PKHD1L1: variants seen among roughly 807,000 people sequenced by gnomAD.
The protein encoded by PKHD1L1 is PKHD1 like 1, also known as fibrocystin-L.
PKHD1L1 carries 434 observed loss-of-function variants against 462.9 expected under a neutral mutation model. The ratio of observed to expected loss-of-function variants is 0.94; its 90% CI spans 0.87 to 1.02. The LOEUF (loss-of-function observed/expected upper bound fraction) is 1.02. Ranked by LOEUF, PKHD1L1 falls within the 50% of genes least tolerant of loss-of-function variation. The pLI is 0.00. For missense variants in PKHD1L1, 5,202 were observed against 5,096.1 expected, an observed-to-expected ratio of 1.02 and a Z score of -0.63; for synonymous variants, 1,781 against 1,750.0, an observed-to-expected ratio of 1.02 and a Z score of -0.44.
intron 25 of PKHD1L1, 111 bp from the exon 26 acceptor site, chr8:109,429,229 T>C (rs1001128491): frequency 1.0e-6 from 1 of 978,796 alleles, no homozygotes; most frequent in African/African-American, 1.7e-5. Context: ...AATTTTATTT[T>C]ACATTCTTTG....
Position 109,464,909 on chromosome 8 carries a change from G to T in PKHD1L1, c.8077G>T (p.Val2693Phe). 4 of 1,613,854 alleles carry T rather than the reference G, an allele frequency of 2.5e-6. No homozygotes were observed. The highest frequency in any genetic ancestry group is 3.4e-6 in the Non-Finnish European group (4 of 1,179,794). Residue 2693 changes from valine (V) to phenylalanine (F), a missense_variant, in exon 49 of 78, where the codon GTT (valine) becomes TTT (phenylalanine). Physicochemically the swap from Val to Phe is conservative, Grantham distance 50. Transcript: ENST00000378402. ...GACTAAGAGGATCCTGGCTCCTTAT[G>T]TTGGAGGGTGGGGTGAAACCAATGG... is the stretch of plus-strand genomic sequence containing the variant. ...IETKRILAPY[V>F]GGWGETNGAV...
At chr8:109,413,247 C>T (rs182716812) in intron 20 of PKHD1L1, among the ~76,000 whole-genome samples, 174 bp from the exon 21 acceptor site, 99 of 152,118 alleles carry the variant, frequency 6.5e-4, no homozygotes, top group Middle Eastern at 3.4e-3. Flanking sequence ...TAAAATCTTT[C>T]GCAATTCTTC....
chr8:109,388,388 T>C, intron 6 of PKHD1L1, 109 bp from the exon 7 acceptor site: 4 of 751,276 alleles, frequency 5.3e-6, no homozygotes, highest in Middle Eastern at 2.6e-4. Context: ...TAATAATAAG[T>C]GATTGAGAAA....
At chr8:109,369,131 A>G (rs1297775683) in intron 2 of PKHD1L1, among the ~76,000 whole-genome samples, 1 of 152,008 alleles carries the variant, frequency 6.6e-6, no homozygotes, top group African/African-American at 2.4e-5. Context: ...GGCACCTGCC[A>G]CTACCCCCGG....
At chr8:109,408,977 T>C (rs1188514350) in intron 18 of PKHD1L1, among the ~76,000 whole-genome samples, 5 of 152,274 alleles carry the variant, frequency 3.3e-5, no homozygotes, top group East Asian at 1.9e-4. Context: ...TGTATCTCCA[T>C]AGGGGGCAGC....
intron 76 of PKHD1L1, among the ~76,000 whole-genome samples, chr8:109,523,624 A>T (rs190890010): frequency 7.2e-5 from 11 of 152,320 alleles, no homozygotes; most frequent in African/African-American, 2.4e-4. Flanking sequence ...TGATTTATCC[A>T]TTTGTATACT....
intron 38 of PKHD1L1, 81 bp from the exon 39 acceptor site, chr8:109,448,062 A>T (rs1434364911): frequency 1.6e-6 from 2 of 1,240,522 alleles, no homozygotes; most frequent in African/African-American, 3.1e-5. Context: ...TTTTATTTGT[A>T]AAAGTAAAGA....
Position 109,425,094 on chromosome 8 carries a change from CAT to C in PKHD1L1, c.2708_2709del (p.His903ArgfsTer12). ...TTATTTTGGAAATTAGATAATCACA[CAT>C]GAGACAGAGAACGAGTTTGTCTACA... ...MAVSFGQIIT[H>X]ETENEFVYRG... On this transcript the variant is annotated frameshift_variant, in exon 24 of 78. Transcript: ENST00000378402. LOFTEE classifies it high-confidence loss of function. The C allele has an allele frequency of 1.3e-6, 2 of 1,582,158 alleles. No homozygotes were observed. The highest frequency in any genetic ancestry group is 1.9e-5 in the Admixed American group (1 of 52,962).
chr8:109,467,939 G>A (rs1459252403), intron 50 of PKHD1L1, among the ~76,000 whole-genome samples: 1 of 152,044 alleles, frequency 6.6e-6, no homozygotes, highest in Non-Finnish European at 1.5e-5. Context: ...CAGAATCCAA[G>A]TGCACTTATT....
chr8:109,464,189 AAT>A, intron 48 of PKHD1L1, 25 bp from the exon 49 acceptor site: 1 of 1,507,338 alleles, frequency 6.6e-7, no homozygotes, highest in Non-Finnish European at 8.9e-7. Context: ...GCTATTACTA[AAT>A]AACTGTGATT....
At chr8:109,444,566 T>C in intron 37 of PKHD1L1, 95 bp from the exon 38 acceptor site, 1 of 1,168,022 alleles carries the variant, frequency 8.6e-7, no homozygotes, top group Non-Finnish European at 1.2e-6. Context: ...TGCACATGAT[T>C]AACTTTTAAA....
intron 8 of PKHD1L1, 24 bp downstream of exon 8, chr8:109,389,176 A>G (rs748043417): frequency 6.4e-7 from 1 of 1,569,212 alleles, no homozygotes; most frequent in Non-Finnish European, 8.8e-7. Flanking sequence ...ATCTTTCTTC[A>G]TAATGCTCAC....
chr8:109,475,304 G>A, intron 51 of PKHD1L1, 35 bp downstream of exon 51: 1 of 1,497,808 alleles, frequency 6.7e-7, no homozygotes, highest in South Asian at 1.2e-5. Context: ...TTATAATTGT[G>A]TATTACCCAA....
rs979287753 is a variant in PKHD1L1 at position 109,445,171 on chromosome 8, G to C, written c.5302G>C (p.Glu1768Gln). Reference protein sequence around the residue: ...SVIGSVKVLIEGEGLGTVLED... With the variant: ...SVIGSVKVLIQGEGLGTVLED... ...CATAGGATCTGTAAAAGTTCTTATTGAAGGAGAAGGTTTGGGGACTGTTTT... is the reference window on the plus strand; with the variant it reads ...CATAGGATCTGTAAAAGTTCTTATTCAAGGAGAAGGTTTGGGGACTGTTTT... Residue 1768 changes from glutamate to glutamine, a missense_variant, in exon 38 of 78, where the codon GAA (glutamate) becomes CAA (glutamine). By Grantham distance (29) the Glu-to-Gln change is conservative. This residue lies in a region of PKHD1L1 where 4,497 missense variants were observed against 4,336.8 expected (regional missense o/e 1.04). Transcript: ENST00000378402. 3 of 1,613,786 alleles carry C rather than the reference G, an allele frequency of 1.9e-6. No homozygotes were observed. Among genetic ancestry groups the C allele is most frequent in the Non-Finnish European group, 1.7e-6 (2 of 1,179,888 alleles).
chr8:109,408,502 T>C (rs1474381054), intron 18 of PKHD1L1, among the ~76,000 whole-genome samples: 1 of 152,204 alleles, frequency 6.6e-6, no homozygotes, highest in Non-Finnish European at 1.5e-5. Flanking sequence ...ACTGGAGTTG[T>C]TCTTCACTCA....
In PKHD1L1 at chr8:109,530,974, G is replaced by A. The variant is rs1821027939; in HGVS notation, c.*884G>A. 6.6e-6 allele frequency among the ~76,000 whole-genome samples: 1 copy of A among 152,168 alleles called. No individual in the cohort carries two copies. The highest frequency in any genetic ancestry group is 2.4e-5 in the African/African-American group (1 of 41,432). On this transcript the variant is annotated 3_prime_UTR_variant, in exon 78 of 78. Coordinates refer to ENST00000378402, the MANE Select transcript of PKHD1L1 (RefSeq NM_177531.6). Reference sequence around the variant, plus strand: ...AGAATGCAAAAAAGCTACAGACTAAGGTAGCTAAGTTAACCGAACTCTCTA... The same window carrying A: ...AGAATGCAAAAAAGCTACAGACTAAAGTAGCTAAGTTAACCGAACTCTCTA...
intron 58 of PKHD1L1, 110 bp from the exon 59 acceptor site, chr8:109,486,538 T>C (rs1311540819): frequency 2.3e-6 from 2 of 882,408 alleles, no homozygotes; most frequent in Non-Finnish European, 3.4e-6. Flanking sequence ...CATGCATTCA[T>C]GTTCATTTTT....
At chr8:109,460,919 C>T (rs1043366068) in intron 47 of PKHD1L1, among the ~76,000 whole-genome samples, 17 of 152,102 alleles carry the variant, frequency 1.1e-4, no homozygotes, top group African/African-American at 3.4e-4. Flanking sequence ...GCACTAGCAA[C>T]TCATTGCTTT....
At chr8:109,434,564 G>A (rs1815291814) in intron 28 of PKHD1L1, among the ~76,000 whole-genome samples, 1 of 151,976 alleles carries the variant, frequency 6.6e-6, no homozygotes. Flanking sequence ...TGCCTCCCAG[G>A]TTCAAGTGAT....
Sources: allele counts gnomAD v4.1 joint callset (sites outside exome capture counted in the v4.1 genomes callset), GRCh38; gene constraint gnomAD v4.1.1; regional missense constraint gnomAD v4.1.1; transcripts MANE v1.5; gene names NCBI Gene and HGNC (gene_info 2026-07-23, HGNC 2026-07-21).